Variants in CAMK1D observed in about 807,000 individuals in gnomAD.
The protein encoded by CAMK1D is calcium/calmodulin dependent protein kinase ID, also known as calcium/calmodulin-dependent protein kinase type 1D.
A neutral mutation model predicts 47.7 loss-of-function variants in CAMK1D; 9 were observed. The ratio of observed to expected loss-of-function variants is 0.19; its 90% CI spans 0.11 to 0.33. The LOEUF (loss-of-function observed/expected upper bound fraction) is 0.33. Ranked by LOEUF, CAMK1D falls within the 10% of genes least tolerant of loss-of-function variation. CAMK1D has a pLI of 1.00. For synonymous variants in CAMK1D, 184 were observed against 184.9 expected, an observed-to-expected ratio of 0.99 and a Z score of 0.04; for missense variants, 291 against 488.7, an observed-to-expected ratio of 0.60 and a Z score of 3.81.
chr10:12,753,621 T>C (rs1280673125), intron 3 of CAMK1D, among the ~76,000 whole-genome samples: 2 of 152,176 alleles, frequency 1.3e-5, no homozygotes, highest in African/African-American at 2.4e-5. Context: ...GGAATGCTTT[T>C]CCCCTGACCA....
intron 2 of CAMK1D, among the ~76,000 whole-genome samples, chr10:12,652,068 G>A (rs1313845129): frequency 6.6e-6 from 1 of 151,868 alleles, no homozygotes; most frequent in African/African-American, 2.4e-5. Flanking sequence ...CGTGACCACC[G>A]CGCCCGGCCG....
chr10:12,553,434 A>T (rs1465944695), intron 2 of CAMK1D, 78 bp downstream of exon 2: 1 of 1,265,238 alleles, frequency 7.9e-7, no homozygotes, highest in Non-Finnish European at 1.1e-6. Flanking sequence ...CCCCGGAGGC[A>T]GACTTTCCCC....
At chr10:12,722,005 C>T (rs6602611) in intron 3 of CAMK1D, among the ~76,000 whole-genome samples, 150,272 of 152,180 alleles carry the variant, frequency 0.99, 74,204 homozygotes, top group East Asian at 1. Context: ...TTCTGAGGTC[C>T]CTTTTATAAG....
intron 1 of CAMK1D, among the ~76,000 whole-genome samples, chr10:12,482,036 GCAGTGTTTACCTC>G (rs1389341827): frequency 1.3e-5 from 2 of 152,240 alleles, no homozygotes; most frequent in Non-Finnish European, 2.9e-5. Flanking sequence ...GCAGGCTGGT[GCAGTGTTTACCTC>G]CACTGTAATG....
intron 3 of CAMK1D, among the ~76,000 whole-genome samples, chr10:12,758,139 C>A (rs536124515): frequency 7.8e-4 from 119 of 152,178 alleles, no homozygotes; most frequent in Non-Finnish European, 1.4e-3. Context: ...CATGAGCCAC[C>A]ACACCCGGCT....
rs190544934 is a variant in CAMK1D at position 12,365,613 on chromosome 10, T to C, written c.92+15703T>C. The stretch of plus-strand genomic sequence containing the variant: ...GCCACCATGCCCGGCTAATTTTTTG[T>C]ATTTTTAGTAGAGACAGGGTTTCAC... On this transcript the variant is annotated intron_variant, in intron 1 of 10. Coordinates refer to ENST00000619168, the MANE Select transcript of CAMK1D (RefSeq NM_153498.4). Among the ~76,000 whole-genome samples, 956 of 152,146 alleles carry C rather than the reference T, an allele frequency of 6.3e-3. 13 individuals are homozygous for C. Among genetic ancestry groups the C allele is most frequent in the African/African-American group, 0.022 (917 of 41,538 alleles).
chr10:12,648,430 G>A (rs925265544), intron 2 of CAMK1D, among the ~76,000 whole-genome samples: 1 of 152,174 alleles, frequency 6.6e-6, no homozygotes, highest in African/African-American at 2.4e-5. Flanking sequence ...TACTCCGCTA[G>A]ATGGACTTCA....
At chr10:12,578,843 G>T (rs1182446509) in intron 2 of CAMK1D, 1 of 154,312 alleles carries the variant, frequency 6.5e-6, no homozygotes, top group Non-Finnish European at 1.5e-5. Flanking sequence ...CACCAGTTCA[G>T]TTTGACTTTA....
chr10:12,573,838 T>TTTTTTTTTTTTTTTG (rs1837404706), intron 2 of CAMK1D, among the ~76,000 whole-genome samples: 1 of 107,014 alleles, frequency 9.3e-6, no homozygotes, highest in African/African-American at 5.6e-5. Context: ...AAACTTTTTT[T>TTTTTTTTTTTTTTTG]TTTTTTTTTT....
At chr10:12,403,379 C>G (rs1839298270) in intron 1 of CAMK1D, among the ~76,000 whole-genome samples, 1 of 152,222 alleles carries the variant, frequency 6.6e-6, no homozygotes, top group African/African-American at 2.4e-5. Flanking sequence ...GGTGAGTCCT[C>G]GCTCCGTGCC....
intron 1 of CAMK1D, among the ~76,000 whole-genome samples, chr10:12,407,390 C>T (rs1197573458): frequency 6.6e-6 from 1 of 152,244 alleles, no homozygotes; most frequent in African/African-American, 2.4e-5. Context: ...CTCACCATCC[C>T]CTACCTCAAG....
intron 5 of CAMK1D, among the ~76,000 whole-genome samples, chr10:12,779,468 C>G (rs959430865): frequency 5.3e-5 from 8 of 152,016 alleles, no homozygotes; most frequent in African/African-American, 1.9e-4. Context: ...GGGTCTCTGT[C>G]CCCCAGGCTG....
At chr10:12,452,096 G>A (rs891809760) in intron 1 of CAMK1D, among the ~76,000 whole-genome samples, 1 of 152,154 alleles carries the variant, frequency 6.6e-6, no homozygotes, top group South Asian at 2.1e-4. Flanking sequence ...TCAGGTGGGC[G>A]ATGTTTGCGG....
chr10:12,491,105 C>T (rs1834369503), intron 1 of CAMK1D, among the ~76,000 whole-genome samples: 1 of 152,038 alleles, frequency 6.6e-6, no homozygotes, highest in Non-Finnish European at 1.5e-5. Context: ...CACCTGGCCC[C>T]ATGCACACTT....
intron 2 of CAMK1D, among the ~76,000 whole-genome samples, chr10:12,604,526 GTACT>G (rs1191310298): frequency 6.6e-6 from 1 of 152,170 alleles, no homozygotes; most frequent in African/African-American, 2.4e-5. Flanking sequence ...CTTTCCAGAA[GTACT>G]TACTTGATGC....
intron 2 of CAMK1D, among the ~76,000 whole-genome samples, chr10:12,611,783 G>A (rs1278751059): frequency 6.6e-6 from 1 of 151,894 alleles, no homozygotes; most frequent in Non-Finnish European, 1.5e-5. Context: ...AGTAGAGATA[G>A]GGTTTCACCG....
chr10:12,596,909 A>G (rs1181205253), intron 2 of CAMK1D, among the ~76,000 whole-genome samples: 1 of 151,242 alleles, frequency 6.6e-6, no homozygotes, highest in Non-Finnish European at 1.5e-5. Context: ...TAACATTCCC[A>G]CTGGTTTAGA....
At chr10:12,509,850 A>G (rs1040500934) in intron 1 of CAMK1D, among the ~76,000 whole-genome samples, 1 of 152,258 alleles carries the variant, frequency 6.6e-6, no homozygotes, top group Admixed American at 6.5e-5. Context: ...CAGTTCACCC[A>G]GGACATCATT....
Position 12,517,840 on chromosome 10 carries a change from C to T in CAMK1D, c.93-35385C>T, listed in dbSNP as rs79647082. On this transcript the variant is annotated intron_variant, in intron 1 of 10. Coordinates refer to ENST00000619168, the MANE Select transcript of CAMK1D (RefSeq NM_153498.4). ...TATTGGTACTATTTTATATTCCTAC[C>T]AGCAGTGTATAACTTTTAATGTCTT... Among the ~76,000 whole-genome samples, 143 of 152,176 alleles carry T rather than the reference C, an allele frequency of 9.4e-4. 1 individual carries two copies. The highest frequency in any genetic ancestry group is 2.9e-3 in the African/African-American group (122 of 41,516).
Sources: allele counts gnomAD v4.1 joint callset (sites outside exome capture counted in the v4.1 genomes callset), GRCh38; gene constraint gnomAD v4.1.1; transcripts MANE v1.5; gene names NCBI Gene and HGNC (gene_info 2026-07-23, HGNC 2026-07-21).